The following SH3GL2 variants were observed in gnomAD, a reference collection of about 807,000 sequenced individuals.
SH3GL2 encodes the protein SH3 domain containing GRB2 like 2, endophilin A1.
Under a neutral mutation model 46.0 loss-of-function variants are expected in SH3GL2, and 24 were observed. That is an observed-to-expected ratio of 0.52 (90% CI 0.38 to 0.73). The LOEUF (loss-of-function observed/expected upper bound fraction) is 0.73, where lower values mean the gene tolerates loss of function less well. Among genes scored for constraint, SH3GL2 ranks in the 30% least tolerant of loss-of-function variants. The pLI is 0.00. For missense variants in SH3GL2, 413 were observed against 424.2 expected (o/e 0.97, Z 0.23); for synonymous variants, 196 against 147.1 (o/e 1.33, Z -2.40).
In SH3GL2 at chr9:17,579,388, C is replaced by T. The variant is rs562457168; in HGVS notation, c.45+101C>T. The T allele has an allele frequency of 6.9e-4, 441 of 640,112 alleles. 1 individual carries two copies. The African/African-American group carries it at 7.5e-3, about 11-fold the overall frequency. The allele number at this position is 640,112 out of a possible 1,614,324, so 39.7% of individuals were successfully genotyped here. A position where few individuals can be genotyped will look rare whatever the true frequency, so the allele number is the denominator to read the frequency against. The stretch of plus-strand genomic sequence containing the variant: ...GGCGGCAGCTTGGGGAGTTCGGCAC[C>T]GAGCCTCGCCCGCGCCGGCCGCGCC... On this transcript the variant is annotated intron_variant, in intron 1 of 8. Transcript: ENST00000380607.
intron 1 of SH3GL2, among the ~76,000 whole-genome samples, chr9:17,736,231 C>G (rs1014587130): frequency 1.3e-5 from 2 of 152,072 alleles, no homozygotes; most frequent in Non-Finnish European, 2.9e-5. Flanking sequence ...TGCCCTGTCA[C>G]TGGAAGGCTT....
intron 1 of SH3GL2, among the ~76,000 whole-genome samples, chr9:17,734,238 C>A (rs1046433305): frequency 7.2e-5 from 11 of 152,058 alleles, no homozygotes; most frequent in African/African-American, 2.7e-4. Flanking sequence ...ATCTTTGTTT[C>A]CTCATTCAGC....
intron 1 of SH3GL2, among the ~76,000 whole-genome samples, chr9:17,705,537 G>C (rs907448246): frequency 4.0e-5 from 6 of 151,852 alleles, no homozygotes; most frequent in Non-Finnish European, 8.8e-5. Flanking sequence ...ACCATATTCA[G>C]GCCACTTAAA....
intron 2 of SH3GL2, chr9:17,755,908 C>T (rs555886945): frequency 3.9e-6 from 1 of 256,846 alleles, no homozygotes; most frequent in African/African-American, 2.3e-5. Flanking sequence ...AGTATCTTGT[C>T]TCTAAAGACT....
chr9:17,656,982 G>A (rs1421631624), intron 1 of SH3GL2, among the ~76,000 whole-genome samples: 1 of 152,066 alleles, frequency 6.6e-6, no homozygotes, highest in East Asian at 1.9e-4. Flanking sequence ...GAACATAAAT[G>A]TTTGAAGTAT....
intron 1 of SH3GL2, among the ~76,000 whole-genome samples, chr9:17,737,842 C>T (rs1822387910): frequency 6.6e-6 from 1 of 152,148 alleles, no homozygotes; most frequent in Middle Eastern, 3.4e-3. Flanking sequence ...GTGCATATGC[C>T]ACATGTTTTG....
intron 3 of SH3GL2, among the ~76,000 whole-genome samples, chr9:17,780,476 T>C (rs1801102351): frequency 7.8e-6 from 1 of 128,346 alleles, no homozygotes. Context: ...ACAGTTTTTT[T>C]TTTTAATTTT....
intron 1 of SH3GL2, among the ~76,000 whole-genome samples, chr9:17,636,579 G>A (rs914220170): frequency 2.0e-5 from 3 of 152,218 alleles, no homozygotes; most frequent in Admixed American, 6.5e-5. Flanking sequence ...TAATGATAAG[G>A]GAAATTAGGT....
chr9:17,585,907 T>A (rs1371814201), intron 1 of SH3GL2, among the ~76,000 whole-genome samples: 1 of 152,198 alleles, frequency 6.6e-6, no homozygotes, highest in Non-Finnish European at 1.5e-5. Context: ...AGTACAACCC[T>A]TCTCAGTGTT....
At chr9:17,780,057 T>TC (rs1213699441) in intron 3 of SH3GL2, among the ~76,000 whole-genome samples, 10 of 152,286 alleles carry the variant, frequency 6.6e-5, no homozygotes, top group Middle Eastern at 3.4e-3. Flanking sequence ...ACCAATTACA[T>TC]CAGAATGTTT....
rs780520974 is a variant in SH3GL2, at chr9:17,761,504, A to G, written c.182A>G (p.Asn61Ser). Residue 61 changes from asparagine (N) to serine (S), a missense_variant, in exon 3 of 9, where the codon AAT becomes AGT. Asn to Ser is a conservative substitution (Grantham distance 46). Around this residue, in one of 3 missense-constraint regions of SH3GL2, gnomAD observed 160 missense variants for 192.3 expected, o/e 0.83. Transcript: ENST00000380607. ...AAAACAATTGAATACCTTCAACCCA[A>G]TCCAGGTAAGGCATCATCTTATATG... Reference protein sequence around the residue: ...MTKTIEYLQPNPASRAKLSMI... With the variant: ...MTKTIEYLQPSPASRAKLSMI... The G allele has an allele frequency of 6.4e-7, 1 of 1,573,718 alleles. No homozygotes were observed. Among genetic ancestry groups the G allele is most frequent in the Admixed American group, 1.7e-5 (1 of 59,946 alleles).
At chr9:17,749,802 A>C (rs1421024371) in intron 2 of SH3GL2, among the ~76,000 whole-genome samples, 1 of 152,208 alleles carries the variant, frequency 6.6e-6, no homozygotes, top group Non-Finnish European at 1.5e-5. Context: ...CAAGCATTTT[A>C]CTTTAGGCAA....
intron 1 of SH3GL2, among the ~76,000 whole-genome samples, chr9:17,602,879 A>G (rs1273293853): frequency 1.3e-5 from 2 of 152,252 alleles, no homozygotes; most frequent in African/African-American, 4.8e-5. Context: ...GCTATCAAGA[A>G]AAATCCATCT....
At chr9:17,633,176 G>T (rs537374371) in intron 1 of SH3GL2, among the ~76,000 whole-genome samples, 6 of 152,156 alleles carry the variant, frequency 3.9e-5, no homozygotes, top group African/African-American at 1.4e-4. Flanking sequence ...GGGGAACTGG[G>T]CAATCTGGGA....
At chr9:17,734,184 C>T (rs146604904) in intron 1 of SH3GL2, among the ~76,000 whole-genome samples, 2 of 152,112 alleles carry the variant, frequency 1.3e-5, no homozygotes, top group African/African-American at 4.8e-5. Flanking sequence ...GCCATTTAGA[C>T]TAATTGCCCT....
chr9:17,688,924 T>C (rs7871774), intron 1 of SH3GL2, among the ~76,000 whole-genome samples: 3,761 of 152,150 alleles, frequency 0.025, 158 homozygotes, highest in African/African-American at 0.087. Flanking sequence ...CTGCCCACTC[T>C]TTAAGTGTGA....
chr9:17,677,559 T>C lies in SH3GL2; in HGVS notation c.46-69507T>C, dbSNP rs532857361. Among the ~76,000 whole-genome samples, 320 of 152,180 alleles carry C rather than the reference T, an allele frequency of 2.1e-3. 2 individuals are homozygous for C. Among genetic ancestry groups the C allele is most frequent in the African/African-American group, 7.4e-3 (309 of 41,520 alleles). ...TTTTAAACTCATGTTTTCACTTTTA[T>C]TTTTTGATTACTTGTAAAAGAATGC... On this transcript the variant is annotated intron_variant, in intron 1 of 8. Coordinates refer to ENST00000380607, the MANE Select transcript of SH3GL2 (RefSeq NM_003026.5).
At position 17,786,494 on chromosome 9, in the gene SH3GL2, G is replaced by C; in HGVS notation, c.301G>C (p.Gly101Arg). ...GCTGGCAGAGGCCATGCTCAAATTTGGAAGAGAGCTTGGAGATGATTGCAA... is the reference window on the plus strand; with the variant it reads ...GCTGGCAGAGGCCATGCTCAAATTTCGAAGAGAGCTTGGAGATGATTGCAA... Reference protein sequence around the residue: ...ALLAEAMLKFGRELGDDCNFG... With the variant: ...ALLAEAMLKFRRELGDDCNFG... The change falls in exon 4 of 9, where the codon GGA (glycine) becomes CGA (arginine). Residue 101 changes from glycine to arginine, a missense_variant. Gly to Arg is a moderately radical substitution (Grantham distance 125, BLOSUM62 -2). Around this residue, in one of 3 missense-constraint regions of SH3GL2, gnomAD observed 160 missense variants for 192.3 expected, o/e 0.83. Coordinates refer to ENST00000380607, the MANE Select transcript of SH3GL2 (RefSeq NM_003026.5). 1 of 1,613,374 alleles carries C rather than the reference G, an allele frequency of 6.2e-7. No homozygotes were observed. The highest frequency in any genetic ancestry group is 8.5e-7 in the Non-Finnish European group (1 of 1,179,624).
rs574474245 is a variant in SH3GL2 at position 17,666,958 on chromosome 9, T to C, written c.46-80108T>C. 2.6e-5 allele frequency among the ~76,000 whole-genome samples: 4 copies of C among 152,268 alleles called. No individual in the cohort carries two copies. The South Asian group carries it at 8.3e-4, about 32-fold the overall frequency. On this transcript the variant is annotated intron_variant, in intron 1 of 8. Transcript: ENST00000380607. The stretch of plus-strand genomic sequence containing the variant: ...TTTTAATTTTTGCTGATCTGAAACA[T>C]GAGAAATGGTATTGCAGCGTAGTTG...
Sources: gnomAD v4.1 joint callset for allele counts (sites outside exome capture counted in the v4.1 genomes callset) on GRCh38, gnomAD v4.1.1 for gene constraint, gnomAD v4.1.1 regional missense constraint, MANE v1.5 for transcripts, NCBI Gene and HGNC (gene_info 2026-07-23, HGNC 2026-07-21) for gene names.